MCMDC2: variants seen among roughly 807,000 people sequenced by gnomAD.
MCMDC2 encodes the protein minichromosome maintenance domain-containing protein 2.
MCMDC2 carries 54 observed loss-of-function variants against 75.8 expected under a neutral mutation model. That is an observed-to-expected ratio of 0.71 (90% CI 0.57 to 0.89). The LOEUF (loss-of-function observed/expected upper bound fraction) is 0.89. Among genes scored for constraint, MCMDC2 ranks in the 40% least tolerant of loss-of-function variants. The pLI, the probability that MCMDC2 is intolerant of heterozygous loss-of-function variation, is 0.00. For missense variants in MCMDC2, 656 were observed against 780.4 expected, an observed-to-expected ratio of 0.84 and a Z score of 1.90; for synonymous variants, 249 against 274.6, an observed-to-expected ratio of 0.91 and a Z score of 0.92.
At chr8:66,903,051 G>A (rs1812769718) in intron 13 of MCMDC2, among the ~76,000 whole-genome samples, 1 of 151,730 alleles carries the variant, frequency 6.6e-6, no homozygotes, top group Admixed American at 6.6e-5. Flanking sequence ...GTACCTGGGA[G>A]GCGGAGGTTG....
intron 8 of MCMDC2, among the ~76,000 whole-genome samples, chr8:66,883,383 G>C (rs1811683623): frequency 6.6e-6 from 1 of 152,166 alleles, no homozygotes; most frequent in South Asian, 2.1e-4. Flanking sequence ...TGAGGGATTT[G>C]CCTACAACCC....
intron 10 of MCMDC2, among the ~76,000 whole-genome samples, chr8:66,892,371 G>C (rs1250568016): frequency 1.3e-5 from 2 of 152,164 alleles, no homozygotes; most frequent in Non-Finnish European, 1.5e-5. Context: ...AGAATGTCAT[G>C]GCCCTTTTCA....
chr8:66,915,449 C>G (rs965595556), intron 14 of MCMDC2, among the ~76,000 whole-genome samples: 5 of 140,906 alleles, frequency 3.5e-5, no homozygotes, highest in South Asian at 2.2e-4. Flanking sequence ...CAGACTCCGT[C>G]TCAAAAAAAA....
rs768287938 is a variant in MCMDC2 at position 66,874,352 on chromosome 8, C to T, written c.121C>T (p.Arg41Ter). 7 of 1,612,482 alleles carry T rather than the reference C, an allele frequency of 4.3e-6. No homozygotes were observed. The highest frequency in any genetic ancestry group is 4.0e-5 in the African/African-American group (3 of 74,840). Residue 41 changes from arginine (R) to a stop codon, truncating the protein, a stop_gained, in exon 3 of 15, where the codon CGA becomes TGA. Transcript: ENST00000422365. LOFTEE classifies it high-confidence loss of function. ...NDSKQSYAVYRFKILINPSDV... is the reference protein window; with the variant it reads ...NDSKQSYAVY ...TTCAAAACAAAGCTATGCTGTCTAT[C>T]GATTCAAAATTTTAATAAATCCCTC... is the stretch of plus-strand genomic sequence containing the variant.
chr8:66,902,705 AAAAAAAAT>A (rs1476271817), intron 13 of MCMDC2, among the ~76,000 whole-genome samples: 52 of 127,838 alleles, frequency 4.1e-4, no homozygotes, highest in Non-Finnish European at 7.2e-4. Flanking sequence ...AAAAAAAAAA[AAAAAAAAT>A]ATATATATAT....
intron 14 of MCMDC2, among the ~76,000 whole-genome samples, chr8:66,907,574 T>G (rs1183293968): frequency 6.6e-6 from 1 of 152,244 alleles, no homozygotes; most frequent in Non-Finnish European, 1.5e-5. Flanking sequence ...TTTAAAATCC[T>G]TTGGGTATAT....
At chr8:66,914,266 G>C (rs1390204301) in intron 14 of MCMDC2, among the ~76,000 whole-genome samples, 1 of 117,700 alleles carries the variant, frequency 8.5e-6, no homozygotes, top group Non-Finnish European at 1.6e-5. Flanking sequence ...CTGGGCAACA[G>C]AGTAAGACCC....
chr8:66,923,974 A>T (rs1398063404), downstream of MCMDC2, among the ~76,000 whole-genome samples: 1 of 152,074 alleles, frequency 6.6e-6, no homozygotes, highest in Non-Finnish European at 1.5e-5. Context: ...ACAAAATTCC[A>T]AATGGTGGGT....
chr8:66,917,395 T>A (rs1782557315), intron 14 of MCMDC2, among the ~76,000 whole-genome samples: 2 of 152,220 alleles, frequency 1.3e-5, no homozygotes, highest in Admixed American at 1.3e-4. Flanking sequence ...CATGGTCAAT[T>A]TTTAAATTGA....
chr8:66,905,405 A>C (rs1028615820), intron 14 of MCMDC2, 70 bp downstream of exon 14: 1 of 1,200,496 alleles, frequency 8.3e-7, no homozygotes, highest in African/African-American at 1.6e-5. Context: ...TTAGTTGGTT[A>C]AATTAAAATG....
At chr8:66,879,454 G>A (rs1418245241) in intron 7 of MCMDC2, among the ~76,000 whole-genome samples, 1 of 151,944 alleles carries the variant, frequency 6.6e-6, no homozygotes, top group Non-Finnish European at 1.5e-5. Flanking sequence ...TTAGCCAGGT[G>A]TGGTGACGGA....
intron 12 of MCMDC2, among the ~76,000 whole-genome samples, chr8:66,900,497 G>A (rs1017239674): frequency 7.2e-5 from 11 of 151,868 alleles, no homozygotes; most frequent in African/African-American, 2.7e-4. Context: ...TTCTCCAGGT[G>A]TAGGTAGTGT....
Position 66,894,918 on chromosome 8 carries a change from C to T in MCMDC2, c.1280-1252C>T, listed in dbSNP as rs1041392286. Among the ~76,000 whole-genome samples, 4 of 152,196 alleles carry T rather than the reference C, an allele frequency of 2.6e-5. No individual in the cohort carries two copies. The South Asian group carries it at 6.2e-4, about 24-fold the overall frequency. ...AACCCCCAGTCCCTGCCTCCCGTCA[C>T]CTACTCCCTCACAGTCCCTGGCAAA... On this transcript the variant is annotated intron_variant, in intron 10 of 14. Coordinates refer to ENST00000422365, the MANE Select transcript of MCMDC2 (RefSeq NM_173518.5).
intron 12 of MCMDC2, among the ~76,000 whole-genome samples, chr8:66,897,728 C>T (rs72654917): frequency 6.6e-6 from 1 of 152,230 alleles, no homozygotes; most frequent in Non-Finnish European, 1.5e-5. Flanking sequence ...TAATTAATTA[C>T]CCTGACATTA....
At chr8:66,871,935 C>T (rs1026219361) in intron 1 of MCMDC2, among the ~76,000 whole-genome samples, 2 of 151,980 alleles carry the variant, frequency 1.3e-5, no homozygotes, top group African/African-American at 4.8e-5. Context: ...ATACTAACCC[C>T]CTTAAAAAAA....
At chr8:66,903,865 A>G (rs1488556001) in intron 13 of MCMDC2, among the ~76,000 whole-genome samples, 1 of 152,174 alleles carries the variant, frequency 6.6e-6, no homozygotes, top group Non-Finnish European at 1.5e-5. Flanking sequence ...TTTATAAATG[A>G]GCAATATTGG....
chr8:66,874,069 T>G lies in MCMDC2; in HGVS notation c.-72T>G. 2 of 981,124 alleles carry G rather than the reference T, an allele frequency of 2.0e-6. No homozygotes were observed. Among genetic ancestry groups the G allele is most frequent in the Non-Finnish European group, 1.5e-6 (1 of 671,370 alleles). The allele number at this position is 981,124 out of a possible 1,614,324, so 60.8% of individuals were successfully genotyped here. ...TATTTCTAGGTTTTCACATCCTTTC[T>G]ATGAGTTTCGCCATCTATAGCTTTT... On this transcript the variant is annotated 5_prime_UTR_variant, in exon 2 of 15. Transcript: ENST00000422365.
chr8:66,878,510 CA>C (rs1811404240), intron 5 of MCMDC2, 63 bp from the exon 6 acceptor site: 1 of 1,483,628 alleles, frequency 6.7e-7, no homozygotes, highest in African/African-American at 1.5e-5. Context: ...ATGACAACAA[CA>C]AAAGAAACAA....
intron 13 of MCMDC2, among the ~76,000 whole-genome samples, chr8:66,902,323 G>A (rs188052840): frequency 1.3e-4 from 20 of 151,884 alleles, no homozygotes; most frequent in East Asian, 3.9e-4. Context: ...CCCATCAAGC[G>A]GAAGTTGCAG....
Sources: gnomAD v4.1 joint callset for allele counts (sites outside exome capture counted in the v4.1 genomes callset) on GRCh38, gnomAD v4.1.1 for gene constraint, MANE v1.5 for transcripts, NCBI Gene and HGNC (gene_info 2026-07-23, HGNC 2026-07-21) for gene names.